The following RANBP17 variants were observed in gnomAD, a reference collection of about 807,000 sequenced individuals.
RANBP17 encodes ran-binding protein 17.
RANBP17 carries 158 observed loss-of-function variants against 141.2 expected under a neutral mutation model. That is an observed-to-expected ratio of 1.12 (90% CI 0.98 to 1.28). The LOEUF (loss-of-function observed/expected upper bound fraction) is 1.28. Among genes scored for constraint, RANBP17 ranks in the 50% most tolerant of loss-of-function variants. RANBP17 has a pLI of 0.00. For synonymous variants in RANBP17, 430 were observed against 450.0 expected (o/e 0.96, Z 0.56); for missense variants, 1,438 against 1,290.7 (o/e 1.11, Z -1.75).
chr5:170,907,842 C>G (rs1485123257), intron 5 of RANBP17, among the ~76,000 whole-genome samples: 1 of 151,670 alleles, frequency 6.6e-6, no homozygotes, highest in Non-Finnish European at 1.5e-5. Context: ...TTAAATTAAT[C>G]AAGAGAGGCA....
intron 13 of RANBP17, among the ~76,000 whole-genome samples, chr5:170,963,039 G>A (rs1224950821): frequency 6.6e-6 from 1 of 152,140 alleles, no homozygotes; most frequent in African/African-American, 2.4e-5. Context: ...AAATTTTGAT[G>A]TAGCCTTAAT....
intron 14 of RANBP17, among the ~76,000 whole-genome samples, chr5:171,068,888 G>GT (rs1183638325): frequency 6.6e-6 from 1 of 152,126 alleles, no homozygotes; most frequent in African/African-American, 2.4e-5. Flanking sequence ...CACCCAGCTG[G>GT]TGCTGATACT....
At chr5:171,267,200 ATT>A (rs75633814) in intron 25 of RANBP17, among the ~76,000 whole-genome samples, 19 of 131,920 alleles carry the variant, frequency 1.4e-4, no homozygotes, top group Admixed American at 1.5e-4. Flanking sequence ...CATCCAGCTA[ATT>A]TTTTTTTTTT....
At chr5:171,060,585 T>C (rs555213067) in intron 14 of RANBP17, among the ~76,000 whole-genome samples, 1 of 152,312 alleles carries the variant, frequency 6.6e-6, no homozygotes, top group African/African-American at 2.4e-5. Flanking sequence ...TTGAGGATTT[T>C]TGTATCAATG....
chr5:170,982,800 A>T (rs1409554414), intron 14 of RANBP17, among the ~76,000 whole-genome samples: 1 of 152,190 alleles, frequency 6.6e-6, no homozygotes, highest in African/African-American at 2.4e-5. Context: ...AATTCACAGC[A>T]TCAGGATTGG....
At chr5:171,125,830 G>A (rs1009591552) in intron 14 of RANBP17, among the ~76,000 whole-genome samples, 3 of 149,676 alleles carry the variant, frequency 2.0e-5, no homozygotes, top group Non-Finnish European at 4.4e-5. Context: ...TTGCTCTGTC[G>A]CCCAGGCTAG....
intron 14 of RANBP17, among the ~76,000 whole-genome samples, chr5:171,017,161 G>C (rs2127597180): frequency 6.6e-6 from 1 of 152,092 alleles, no homozygotes; most frequent in African/African-American, 2.4e-5. Context: ...ATCATTGATG[G>C]GCATTTAAGT....
chr5:171,209,215 G>A (rs1003862334), intron 20 of RANBP17, among the ~76,000 whole-genome samples: 2 of 152,126 alleles, frequency 1.3e-5, no homozygotes, highest in Admixed American at 6.5e-5. Flanking sequence ...CAGGTTTTCG[G>A]TTGGCCTAGG....
chr5:171,244,087 C>CA (rs371193594), intron 24 of RANBP17, among the ~76,000 whole-genome samples: 6 of 149,116 alleles, frequency 4.0e-5, no homozygotes, highest in African/African-American at 1.5e-4. Flanking sequence ...AATTCTGTCT[C>CA]AAAAAAAATA....
chr5:170,888,911 C>T (rs1345631), intron 3 of RANBP17, among the ~76,000 whole-genome samples: 91,391 of 151,832 alleles, frequency 0.6, 29,226 homozygotes, highest in South Asian at 0.9. Flanking sequence ...TCATTCATCA[C>T]CATTCAACAT....
At chr5:170,965,241 G>T in intron 13 of RANBP17, among the ~76,000 whole-genome samples, 1 of 90,108 alleles carries the variant, frequency 1.1e-5, no homozygotes, top group Non-Finnish European at 2.6e-5. Context: ...TTTTTGATGG[G>T]GTTGTTTTTT....
At chr5:171,087,142 C>A (rs1163381667) in intron 14 of RANBP17, among the ~76,000 whole-genome samples, 2 of 146,226 alleles carry the variant, frequency 1.4e-5, no homozygotes, top group Non-Finnish European at 3.0e-5. Context: ...TGAATGCGTC[C>A]CAGAGATTCT....
intron 14 of RANBP17, among the ~76,000 whole-genome samples, chr5:170,999,376 T>C (rs1447938649): frequency 6.6e-6 from 1 of 152,148 alleles, no homozygotes; most frequent in Non-Finnish European, 1.5e-5. Context: ...AAAGGCACAT[T>C]ATGTTCAAGC....
intron 14 of RANBP17, among the ~76,000 whole-genome samples, chr5:171,035,859 C>G (rs967849064): frequency 1.3e-5 from 2 of 150,880 alleles, no homozygotes; most frequent in Non-Finnish European, 2.9e-5. Flanking sequence ...AACCCGTTAC[C>G]AAGGTAGAGA....
At chr5:171,175,190 A>G (rs569322288) in intron 16 of RANBP17, among the ~76,000 whole-genome samples, 26 of 152,236 alleles carry the variant, frequency 1.7e-4, no homozygotes, top group South Asian at 8.3e-4. Context: ...TTCTTTATCC[A>G]GTCTATCATT....
At chr5:170,871,048 G>C (rs1340352808) in intron 1 of RANBP17, among the ~76,000 whole-genome samples, 1 of 151,890 alleles carries the variant, frequency 6.6e-6, no homozygotes, top group African/African-American at 2.4e-5. Flanking sequence ...CATGTCCTTT[G>C]CCCACTTTTT....
chr5:170,888,870 C>G (rs1230540798), intron 3 of RANBP17, among the ~76,000 whole-genome samples: 1 of 151,928 alleles, frequency 6.6e-6, no homozygotes, highest in Non-Finnish European at 1.5e-5. Context: ...GAAAGTTGTC[C>G]TCTATTCCTA....
In RANBP17 at chr5:170,982,937, A is replaced by G. The variant is rs1228291520; in HGVS notation, c.1710+14560A>G. On this transcript the variant is annotated intron_variant, in intron 14 of 27. Transcript: ENST00000523189. ...GAAGACAGTGAAACATTGTCTTGCCAATTTTGAGAAAGAAAATGAATTTCA... is the reference window on the plus strand; with the variant it reads ...GAAGACAGTGAAACATTGTCTTGCCGATTTTGAGAAAGAAAATGAATTTCA... 2.2e-5 allele frequency: 7 copies of G among 311,466 alleles called. No homozygotes were observed. In the East Asian group the frequency reaches 4.0e-4, roughly 18 times the overall value. 19.3% of individuals were successfully genotyped at this position (311,466 alleles called of 1,614,324 possible).
At chr5:171,172,415 G>A (rs1159641616) in intron 16 of RANBP17, among the ~76,000 whole-genome samples, 1 of 151,330 alleles carries the variant, frequency 6.6e-6, no homozygotes, top group East Asian at 1.9e-4. Flanking sequence ...TCAGAAAAAT[G>A]ATAAATTACA....
Sources: gnomAD v4.1 joint callset for allele counts (sites outside exome capture counted in the v4.1 genomes callset) on GRCh38, gnomAD v4.1.1 for gene constraint, MANE v1.5 for transcripts, NCBI Gene and HGNC (gene_info 2026-07-23, HGNC 2026-07-21) for gene names.